Variants in C11orf16 observed in about 807,000 individuals in gnomAD.
C11orf16 encodes the protein uncharacterized protein C11orf16.
In C11orf16, 38 loss-of-function variants were observed where a neutral mutation model predicts 45.1. That is an observed-to-expected ratio of 0.84 (90% CI 0.65 to 1.10). C11orf16 has a LOEUF of 1.10. Ranked by LOEUF, C11orf16 falls within the 50% of genes least tolerant of loss-of-function variation. The pLI is 0.00. For missense variants in C11orf16, 583 were observed against 569.5 expected, an observed-to-expected ratio of 1.02 and a Z score of -0.24; for synonymous variants, 221 against 222.0, an observed-to-expected ratio of 1.00 and a Z score of 0.04.
intron 5 of C11orf16, 97 bp downstream of exon 5, chr11:8,925,366 T>A: frequency 9.1e-7 from 1 of 1,098,740 alleles, no homozygotes; most frequent in Non-Finnish European, 1.3e-6. Context: ...CCCAACAGAG[T>A]GGACACGTGC....
In C11orf16 at chr11:8,929,514, A is replaced by C. The variant is rs749612227; in HGVS notation, c.187T>G (p.Cys63Gly). 5.0e-6 allele frequency: 8 copies of C among 1,613,558 alleles called. No homozygotes were observed. The South Asian group carries it at 8.8e-5, about 18-fold the overall frequency. ...CATGCTGGGTCGGCAACGTGGAGAC[A>C]TGGGCAAGAAGAGGCATGCCTGGAA... is the stretch of plus-strand genomic sequence containing the variant. ...PLARHASSCP[C>G]LHVADPAWQG... Residue 63 changes from cysteine (C) to glycine (G), a missense_variant, in exon 3 of 7, where the codon TGT (cysteine) becomes GGT (glycine). Transcript: ENST00000326053.
intron 5 of C11orf16, among the ~76,000 whole-genome samples, chr11:8,925,160 G>C (rs760561951): frequency 2.0e-5 from 3 of 152,230 alleles, no homozygotes; most frequent in Non-Finnish European, 2.9e-5. Flanking sequence ...ACTAAAAACA[G>C]ACAATGGCAG....
chr11:8,929,502 C>T lies in C11orf16; in HGVS notation c.199G>A (p.Ala67Thr). 1.2e-6 allele frequency: 2 copies of T among 1,613,776 alleles called. No homozygotes were observed. Among genetic ancestry groups the T allele is most frequent in the Non-Finnish European group, 1.7e-6 (2 of 1,179,920 alleles). ...HASSCPCLHV[A>T]DPAWQGPGWL... ...CCAGGCCCCTGCCATGCTGGGTCGGCAACGTGGAGACATGGGCAAGAAGAG... is the reference window on the plus strand; with the variant it reads ...CCAGGCCCCTGCCATGCTGGGTCGGTAACGTGGAGACATGGGCAAGAAGAG... The change falls in exon 3 of 7, where the codon GCC (alanine) becomes ACC (threonine). Residue 67 changes from alanine to threonine, a missense_variant. Transcript: ENST00000326053.
In C11orf16 at chr11:8,929,381, G is replaced by T; in HGVS notation, c.320C>A (p.Pro107His). 2 of 1,613,672 alleles carry T rather than the reference G, an allele frequency of 1.2e-6. No individual in the cohort carries two copies. Among genetic ancestry groups the T allele is most frequent in the Non-Finnish European group, 1.7e-6 (2 of 1,179,764 alleles). The change falls in exon 3 of 7, where the codon CCC becomes CAC. Residue 107 changes from proline to histidine, a missense_variant. Pro to His is a moderately conservative substitution (Grantham distance 77). Transcript: ENST00000326053. ...ATACTGGGGTCAGGGACTTGCCTCG[G>T]GAGTGGCCTTTATTTGGGCCCGGTA... ...FYYRAQIKAT[P>H]ELERQGVLLV...
chr11:8,925,431 C>T (rs751085095), intron 5 of C11orf16, 32 bp downstream of exon 5: 2 of 1,589,386 alleles, frequency 1.3e-6, no homozygotes, highest in Admixed American at 1.7e-5. Context: ...CCAGCCCCTG[C>T]CTTAGAAAGC....
chr11:8,928,107 C>T (rs2064627127), intron 3 of C11orf16, among the ~76,000 whole-genome samples: 1 of 152,080 alleles, frequency 6.6e-6, no homozygotes, highest in African/African-American at 2.4e-5. Flanking sequence ...GGGGTGTCAC[C>T]ACGTTGGCCA....
At chr11:8,931,205 G>A (rs1360956934) in intron 2 of C11orf16, among the ~76,000 whole-genome samples, 1 of 145,154 alleles carries the variant, frequency 6.9e-6, no homozygotes, top group Admixed American at 7.0e-5. Context: ...GGCTGAGCAA[G>A]TCTCTTTTTT....
At chr11:8,925,442 A>C (rs754419108) in intron 5 of C11orf16, 21 bp downstream of exon 5, 2 of 1,598,504 alleles carry the variant, frequency 1.3e-6, no homozygotes, top group South Asian at 2.2e-5. Context: ...CTTAGAAAGC[A>C]AGCCCACTCC....
At chr11:8,923,818 G>A (rs2064590716) in intron 5 of C11orf16, among the ~76,000 whole-genome samples, 1 of 151,588 alleles carries the variant, frequency 6.6e-6, no homozygotes, top group Admixed American at 6.6e-5. Context: ...TGGTCAGGCT[G>A]GTCTCAAACC....
chr11:8,932,342 A>C lies in C11orf16; in HGVS notation c.-18-16T>G. On this transcript the variant is annotated splice_polypyrimidine_tract_variant and intron_variant, in intron 1 of 6. Coordinates refer to ENST00000326053, the MANE Select transcript of C11orf16 (RefSeq NM_020643.3). ...GAGGATCCACCTGAGAATAGGCACCACCATTACCTGAGCTGCAGCTTGAAG... is the reference window on the plus strand; with the variant it reads ...GAGGATCCACCTGAGAATAGGCACCCCCATTACCTGAGCTGCAGCTTGAAG... 6.5e-7 allele frequency: 1 copy of C among 1,544,654 alleles called. No individual in the cohort carries two copies.
intron 5 of C11orf16, among the ~76,000 whole-genome samples, chr11:8,922,390 T>A (rs1056794406): frequency 6.9e-6 from 1 of 145,516 alleles, no homozygotes; most frequent in African/African-American, 2.5e-5. Context: ...AAAAAAAAAA[T>A]TGGGGCAAAA....
chr11:8,925,915 C>T lies in C11orf16; in HGVS notation c.752G>A (p.Gly251Glu), dbSNP rs1489355849. 2.5e-6 allele frequency: 4 copies of T among 1,614,064 alleles called. No individual in the cohort carries two copies. The East Asian group carries it at 8.9e-5, about 36-fold the overall frequency. The change falls in exon 5 of 7, where the codon GGG becomes GAG. Residue 251 changes from glycine to glutamate, a missense_variant. Coordinates refer to ENST00000326053, the MANE Select transcript of C11orf16 (RefSeq NM_020643.3). The part of the protein sequence containing the change: ...PCCSLLGPIT[G>E]RITNELPPDA... ...CGGAGGAAGCTCATTAGTGATGCGC[C>T]CAGTGATTGGCCCTAGCAGAGAGCA...
rs1428557118 is a variant in C11orf16, at chr11:8,920,251, G to A, written c.*222C>T. Reference sequence around the variant, plus strand: ...ACCAGGGCCCTGGCAGGGAGCCCCAGGGCAGGATCCCACATTCCTATAGCC... The same window carrying A: ...ACCAGGGCCCTGGCAGGGAGCCCCAAGGCAGGATCCCACATTCCTATAGCC... On this transcript the variant is annotated 3_prime_UTR_variant, in exon 7 of 7. Coordinates refer to ENST00000326053, the MANE Select transcript of C11orf16 (RefSeq NM_020643.3). 2 of 418,098 alleles carry A rather than the reference G, an allele frequency of 4.8e-6. No individual in the cohort carries two copies. Among genetic ancestry groups the A allele is most frequent in the East Asian group, 3.6e-5 (1 of 27,952 alleles). 25.9% of individuals were successfully genotyped at this position (418,098 alleles called of 1,614,324 possible). A position where few individuals can be genotyped will look rare whatever the true frequency, so the allele number is the denominator to read the frequency against.
rs1427427197 is a variant in C11orf16, at chr11:8,926,908, G to C, written c.559+32C>G. 1.9e-6 allele frequency: 3 copies of C among 1,563,986 alleles called. No homozygotes were observed. The East Asian group carries it at 6.7e-5, about 35-fold the overall frequency. ...GCCTGATTACAGCCTGGCTCCTTCTGGGCACTGATGGGTCAGAGCAGCTTC... is the reference window on the plus strand; with the variant it reads ...GCCTGATTACAGCCTGGCTCCTTCTCGGCACTGATGGGTCAGAGCAGCTTC... On this transcript the variant is annotated intron_variant, in intron 4 of 6. Coordinates refer to ENST00000326053, the MANE Select transcript of C11orf16 (RefSeq NM_020643.3).
In C11orf16 at chr11:8,925,581, G is replaced by A. The variant is rs376631320; in HGVS notation, c.1086C>T (p.Asn362=). 176 of 1,614,248 alleles carry A rather than the reference G, an allele frequency of 1.1e-4. 1 individual carries two copies. The highest frequency in any genetic ancestry group is 4.9e-4 in the Middle Eastern group (3 of 6,062). Residue 362 remains asparagine, a synonymous_variant, in exon 5 of 7, where the codon AAC becomes AAT. Coordinates refer to ENST00000326053, the MANE Select transcript of C11orf16 (RefSeq NM_020643.3). ...AGATGGGATCTGTGTTGACTGCACT[G>A]TTCACCATCAGTCTCTGGGGAGGGC... is the stretch of plus-strand genomic sequence containing the variant. ...EMGPPQRLMV[N]SAVNTDPIFL...
Position 8,925,690 on chromosome 11 carries a change from A to G in C11orf16, c.977T>C (p.Val326Ala), listed in dbSNP as rs763750789. Residue 326 changes from valine (V) to alanine (A), a missense_variant, in exon 5 of 7, where the codon GTA becomes GCA. By Grantham distance (64) the Val-to-Ala change is moderately conservative. Coordinates refer to ENST00000326053, the MANE Select transcript of C11orf16 (RefSeq NM_020643.3). ...AACAGCCAGGGGAGCGTGCATTGCT[A>G]CTTTCTCCTCTTTAGGACCTTCCAG... is the stretch of plus-strand genomic sequence containing the variant. ...LPLEGPKEEK[V>A]AMHAPLAVSS... 1.9e-6 allele frequency: 3 copies of G among 1,614,232 alleles called. No individual in the cohort carries two copies. Among genetic ancestry groups the G allele is most frequent in the Admixed American group, 3.3e-5 (2 of 60,030 alleles).
Position 8,925,457 on chromosome 11 carries a change from G to T in C11orf16, c.1204+6C>A, listed in dbSNP as rs1445652215. 3.1e-6 allele frequency: 5 copies of T among 1,609,822 alleles called. No homozygotes were observed. The highest frequency in any genetic ancestry group is 4.2e-6 in the Non-Finnish European group (5 of 1,177,416). On this transcript the variant is annotated splice_donor_region_variant and intron_variant, in intron 5 of 6. Coordinates refer to ENST00000326053, the MANE Select transcript of C11orf16 (RefSeq NM_020643.3). Reference sequence around the variant, plus strand: ...CTTAGAAAGCAAGCCCACTCCCCTGGTATACCTGGCTTCCCAAGGCATGGC... The same window carrying T: ...CTTAGAAAGCAAGCCCACTCCCCTGTTATACCTGGCTTCCCAAGGCATGGC...
rs1443576657 is a variant in C11orf16, at chr11:8,932,132, AG to A, written c.167+9del. The A allele has an allele frequency of 8.9e-6, 14 of 1,566,226 alleles. No individual in the cohort carries two copies. The highest frequency in any genetic ancestry group is 2.0e-5 in the Admixed American group (1 of 50,384). On this transcript the variant is annotated intron_variant, in intron 2 of 6. Transcript: ENST00000326053. ...GCATCCACTTCCCCCAGAGGGGCAG[AG>A]ACAGGTACCTTGCAAGGGGCTTGTG...
intron 3 of C11orf16, chr11:8,927,755 T>C (rs1367356791): frequency 2.3e-6 from 1 of 426,830 alleles, no homozygotes; most frequent in Non-Finnish European, 4.8e-6. Flanking sequence ...TGCAGCTACT[T>C]AAAAGTACAA....
Sources: allele counts gnomAD v4.1 joint callset (sites outside exome capture counted in the v4.1 genomes callset), GRCh38; gene constraint gnomAD v4.1.1; transcripts MANE v1.5; gene names NCBI Gene and HGNC (gene_info 2026-07-23, HGNC 2026-07-21).